Variants in NSUN6 observed in about 807,000 individuals in gnomAD.
NSUN6 encodes the protein NOP2/Sun RNA methyltransferase 6.
In NSUN6, 64 loss-of-function variants were observed where a neutral mutation model predicts 58.0. That is an observed-to-expected ratio of 1.10 (90% CI 0.90 to 1.36). The LOEUF is 1.36. Ranked by LOEUF, NSUN6 falls within the 40% of genes most tolerant of loss-of-function variation. The pLI is 0.00. For missense variants in NSUN6, 701 were observed against 550.1 expected, an observed-to-expected ratio of 1.27 and a Z score of -2.74; for synonymous variants, 231 against 193.9, an observed-to-expected ratio of 1.19 and a Z score of -1.59.
chr10:18,634,804 A>G (rs1216360225), intron 3 of NSUN6, among the ~76,000 whole-genome samples: 1 of 152,002 alleles, frequency 6.6e-6, no homozygotes, highest in Non-Finnish European at 1.5e-5. Flanking sequence ...CGAATGCAGA[A>G]GAAAAAGATC....
upstream of NSUN6, chr10:18,652,421 A>G: frequency 1.0e-6 from 1 of 984,960 alleles, no homozygotes; most frequent in Non-Finnish European, 1.2e-6. Context: ...TTTCTCTTTA[A>G]TTTTCACACC....
chr10:18,565,434 A>C (rs900805010), intron 8 of NSUN6, among the ~76,000 whole-genome samples: 1 of 145,488 alleles, frequency 6.9e-6, no homozygotes, highest in Non-Finnish European at 1.5e-5. Context: ...ACTCCATTCC[A>C]TTCTCCATTT....
intron 2 of NSUN6, 86 bp downstream of exon 2, chr10:18,648,404 A>G: frequency 1.2e-6 from 1 of 819,984 alleles, no homozygotes; most frequent in Non-Finnish European, 2.0e-6. Flanking sequence ...CTGGAAGTGT[A>G]TTATATCATT....
chr10:18,645,735 T>C (rs1435746830), intron 2 of NSUN6, among the ~76,000 whole-genome samples: 1 of 152,156 alleles, frequency 6.6e-6, no homozygotes, highest in Non-Finnish European at 1.5e-5. Context: ...TTATTTGGAG[T>C]ATATACCTAG....
intron 8 of NSUN6, among the ~76,000 whole-genome samples, chr10:18,558,472 T>C (rs2055220769): frequency 7.3e-6 from 1 of 137,230 alleles, no homozygotes; most frequent in African/African-American, 2.8e-5. Context: ...GAGAAGGGAA[T>C]GGAAAAAGGA....
chr10:18,602,284 C>A (rs2057874921), intron 6 of NSUN6, among the ~76,000 whole-genome samples: 1 of 149,814 alleles, frequency 6.7e-6, no homozygotes, highest in Non-Finnish European at 1.5e-5. Flanking sequence ...TGCTCTGTTG[C>A]CCAGGCTGGA....
chr10:18,643,046 A>C (rs1462702288), intron 2 of NSUN6, among the ~76,000 whole-genome samples: 1 of 151,966 alleles, frequency 6.6e-6, no homozygotes, highest in Non-Finnish European at 1.5e-5. Flanking sequence ...CCAGAAGATT[A>C]TCACACTGAA....
intron 8 of NSUN6, among the ~76,000 whole-genome samples, chr10:18,578,378 C>T (rs2056761157): frequency 6.6e-6 from 1 of 152,000 alleles, no homozygotes; most frequent in Admixed American, 6.6e-5. Flanking sequence ...GGATTACAGG[C>T]ACATGCCACC....
intron 5 of NSUN6, among the ~76,000 whole-genome samples, chr10:18,611,938 T>A (rs762056690): frequency 3.3e-5 from 5 of 152,172 alleles, no homozygotes; most frequent in African/African-American, 7.2e-5. Context: ...CTCATCCCTT[T>A]ACTACCTTAC....
intron 5 of NSUN6, among the ~76,000 whole-genome samples, chr10:18,613,386 C>T (rs1412904428): frequency 6.6e-6 from 1 of 152,168 alleles, no homozygotes; most frequent in Non-Finnish European, 1.5e-5. Context: ...AGTGAGCCAC[C>T]ACGCCCGGCC....
chr10:18,619,064 AG>A (rs2058511674), intron 3 of NSUN6, among the ~76,000 whole-genome samples: 1 of 152,214 alleles, frequency 6.6e-6, no homozygotes, highest in South Asian at 2.1e-4. Context: ...ATTTGTTAAA[AG>A]TTCTGAGGGA....
At chr10:18,644,708 C>A (rs1208736728) in intron 2 of NSUN6, among the ~76,000 whole-genome samples, 6 of 151,378 alleles carry the variant, frequency 4.0e-5, no homozygotes, top group African/African-American at 1.5e-4. Flanking sequence ...GGTGTGGTGG[C>A]GGGCGCCTGT....
At chr10:18,599,183 G>A (rs746876893) in intron 6 of NSUN6, among the ~76,000 whole-genome samples, 14 of 152,230 alleles carry the variant, frequency 9.2e-5, no homozygotes, top group Non-Finnish European at 1.5e-4. Context: ...GACTACAGGC[G>A]TGTGCCACCA....
chr10:18,650,615 T>C (rs558302159), intron 1 of NSUN6, among the ~76,000 whole-genome samples: 2 of 152,242 alleles, frequency 1.3e-5, no homozygotes, highest in Non-Finnish European at 2.9e-5. Flanking sequence ...AGTTACTTGA[T>C]AGCTGTGTCA....
intron 1 of NSUN6, among the ~76,000 whole-genome samples, chr10:18,650,526 G>C (rs1425856282): frequency 1.3e-5 from 2 of 152,152 alleles, no homozygotes. Flanking sequence ...CAAAGCACTA[G>C]AATGCAAATC....
rs181055014 is a variant in NSUN6 at position 18,602,582 on chromosome 10, C to T, written c.658-6255G>A. ...ATGGTGTTTCACCATGTTGGCCAGG[C>T]TGGTCTCGAACTCCTGACCTCAAGT... On this transcript the variant is annotated intron_variant, in intron 6 of 10. Transcript: ENST00000377304. 6.5e-3 allele frequency among the ~76,000 whole-genome samples: 986 copies of T among 151,990 alleles called. 7 individuals carry two copies. Among genetic ancestry groups the T allele is most frequent in the Non-Finnish European group, 0.011 (714 of 67,958 alleles).
intron 3 of NSUN6, among the ~76,000 whole-genome samples, chr10:18,642,229 ACAT>A (rs1020888631): frequency 5.3e-5 from 8 of 151,648 alleles, no homozygotes; most frequent in African/African-American, 1.7e-4. Flanking sequence ...GGGGGGGAAA[ACAT>A]CACTGCACTA....
chr10:18,573,964 C>T (rs1207708187), intron 8 of NSUN6, among the ~76,000 whole-genome samples: 2 of 152,040 alleles, frequency 1.3e-5, no homozygotes, highest in East Asian at 3.9e-4. Context: ...CTAACCATAT[C>T]CTGTGGACTT....
At chr10:18,652,416 C>T (rs74718893), upstream of NSUN6, 5,989 of 984,834 alleles carry the variant, frequency 6.1e-3, 295 homozygotes, top group African/African-American at 0.096. Context: ...GTTTTTTTCT[C>T]TTTAATTTTC....
Sources: gnomAD v4.1 joint callset for allele counts (sites outside exome capture counted in the v4.1 genomes callset) on GRCh38, gnomAD v4.1.1 for gene constraint, MANE v1.5 for transcripts, NCBI Gene and HGNC (gene_info 2026-07-23, HGNC 2026-07-21) for gene names.